Variants in NPC2 observed in about 807,000 individuals in gnomAD.
NPC2 encodes Niemann-Pick disease type C2 protein.
Under a neutral mutation model 17.0 loss-of-function variants are expected in NPC2, and 14 were observed. That is an observed-to-expected ratio of 0.82 (90% CI 0.54 to 1.29). The LOEUF is 1.29. NPC2 is among the 50% of genes most tolerant of loss of function. NPC2 has a pLI of 0.00. For synonymous variants in NPC2, 75 were observed against 69.3 expected (o/e 1.08, Z -0.41); for missense variants, 167 against 183.4 (o/e 0.91, Z 0.52).
chr14:74,486,956 A>ATT (rs774411765), intron 1 of NPC2, among the ~76,000 whole-genome samples: 3 of 144,478 alleles, frequency 2.1e-5, no homozygotes, highest in Non-Finnish European at 4.6e-5. Flanking sequence ...GAACAACTAC[A>ATT]TTTTTTTTTT....
chr14:74,486,473 A>C (rs781653436), intron 1 of NPC2, 37 bp from the exon 2 acceptor site: 2 of 1,526,846 alleles, frequency 1.3e-6, no homozygotes, highest in Non-Finnish European at 1.8e-6. Flanking sequence ...GGAGAATAGG[A>C]GGAGAAATAA....
At chr14:74,479,938 C>G, downstream of NPC2, 2 of 1,255,160 alleles carry the variant, frequency 1.6e-6, no homozygotes, top group South Asian at 3.1e-5. Flanking sequence ...CCACAGCCCA[C>G]ATGCAGAAGA....
At chr14:74,486,247 C>T in intron 2 of NPC2, 82 bp downstream of exon 2, 2 of 1,230,344 alleles carry the variant, frequency 1.6e-6, no homozygotes, top group South Asian at 1.3e-5. Flanking sequence ...TTCCCCTCCC[C>T]TCCATTCCCA....
chr14:74,484,828 C>A (rs1158008188), intron 2 of NPC2, among the ~76,000 whole-genome samples: 1 of 149,390 alleles, frequency 6.7e-6, no homozygotes, highest in Non-Finnish European at 1.5e-5. Flanking sequence ...CATGGCCCTT[C>A]ACAGTTTCTT....
In NPC2 at chr14:74,493,137, G is replaced by T; in HGVS notation, c.82+56C>A. ...CAGCCCCAGGGGTCTCAGCGCGGGGGTCCGGCGGGGCCTTCCACAGAGGGC... is the reference window on the plus strand; with the variant it reads ...CAGCCCCAGGGGTCTCAGCGCGGGGTTCCGGCGGGGCCTTCCACAGAGGGC... On this transcript the variant is annotated intron_variant, in intron 1 of 4. Transcript: ENST00000555619. This position sits in a 1 kb window ranked among gnomAD's most constrained non-coding sequence, Gnocchi z 4.1. 2 of 1,559,918 alleles carry T rather than the reference G, an allele frequency of 1.3e-6. No individual in the cohort carries two copies. The highest frequency in any genetic ancestry group is 8.7e-7 in the Non-Finnish European group (1 of 1,151,568).
At chr14:74,489,065 C>T (rs982036302) in intron 1 of NPC2, among the ~76,000 whole-genome samples, 23 of 152,282 alleles carry the variant, frequency 1.5e-4, no homozygotes, top group African/African-American at 5.3e-4. Context: ...TTCCAAGAAT[C>T]AAGGGGATGA....
chr14:74,482,740 A>T (rs898216022), intron 3 of NPC2, among the ~76,000 whole-genome samples: 7 of 152,158 alleles, frequency 4.6e-5, no homozygotes, highest in African/African-American at 7.2e-5. Context: ...CATATTGCAT[A>T]ACTTCAGAGG....
chr14:74,484,534 G>C lies in NPC2; in HGVS notation c.244C>G (p.Pro82Ala). 6.2e-7 allele frequency: 1 copy of C among 1,614,038 alleles called. No individual in the cohort carries two copies. Among genetic ancestry groups the C allele is most frequent in the Non-Finnish European group, 8.5e-7 (1 of 1,180,002 alleles). ...AVVHGILMGV[P>A]VPFPIPEPDG... ...GGCTCAGGAATGGGAAAGGGAACTG[G>C]GACGCCCATCAGGATGCCATGCACC... The change falls in exon 3 of 5, where the codon CCA (proline) becomes GCA (alanine). Residue 82 changes from proline (P) to alanine (A), a missense_variant. Transcript: ENST00000555619.
chr14:74,484,647 C>A lies in NPC2; in HGVS notation c.191-60G>T, dbSNP rs2086690453. On this transcript the variant is annotated intron_variant, in intron 2 of 4. Coordinates refer to ENST00000555619, the MANE Select transcript of NPC2 (RefSeq NM_006432.5). ...AATAACCTATTTTCAAACTCTAAATCAAAAATTCAGAAATAATCCCAAGCA... is the reference window on the plus strand; with the variant it reads ...AATAACCTATTTTCAAACTCTAAATAAAAAATTCAGAAATAATCCCAAGCA... The A allele has an allele frequency of 1.0e-5, 15 of 1,443,088 alleles. No individual in the cohort carries two copies. The South Asian group carries it at 1.1e-4, about 11-fold the overall frequency. 89.4% of individuals were successfully genotyped at this position (1,443,088 alleles called of 1,614,324 possible).
In NPC2 at chr14:74,493,282, A is replaced by G. The variant is rs747700278; in HGVS notation, c.-8T>C. ...AGCTGCCAGGAAACGCATCGCGGAT[A>G]ACGAAGTTCCAAGCTCGGGAAAGAA... On this transcript the variant is annotated 5_prime_UTR_variant, in exon 1 of 5. Coordinates refer to ENST00000555619, the MANE Select transcript of NPC2 (RefSeq NM_006432.5). The surrounding 1 kb of genome is among the most constrained non-coding windows in gnomAD (Gnocchi z 4.1). The G allele has an allele frequency of 6.2e-7, 1 of 1,612,668 alleles. No individual in the cohort carries two copies.
chr14:74,493,320 C>T (rs2086798806), upstream of NPC2: 2 of 1,593,610 alleles, frequency 1.3e-6, no homozygotes, highest in African/African-American at 1.3e-5. This position sits in a 1 kb window ranked among gnomAD's most constrained non-coding sequence, Gnocchi z 4.1. Flanking sequence ...AGCGGCCGCC[C>T]GCGGTCACAA....
At chr14:74,487,045 G>A (rs58384818) in intron 1 of NPC2, among the ~76,000 whole-genome samples, 24,268 of 150,674 alleles carry the variant, frequency 0.16, 2,050 homozygotes, top group South Asian at 0.27. Context: ...TCCACCCCCC[G>A]GGTTCAAACC....
At chr14:74,491,700 AT>A (rs1192106769) in intron 1 of NPC2, among the ~76,000 whole-genome samples, 1 of 152,216 alleles carries the variant, frequency 6.6e-6, no homozygotes, top group African/African-American at 2.4e-5. Flanking sequence ...CTTTGCAAAA[AT>A]CCTGAGGAAA....
intron 3 of NPC2, among the ~76,000 whole-genome samples, chr14:74,482,825 T>C (rs1240926989): frequency 6.6e-6 from 1 of 151,860 alleles, no homozygotes; most frequent in East Asian, 1.9e-4. Flanking sequence ...AAGTGAAATA[T>C]TGTATATAAA....
At chr14:74,487,271 T>G (rs1374924358) in intron 1 of NPC2, among the ~76,000 whole-genome samples, 6 of 145,490 alleles carry the variant, frequency 4.1e-5, no homozygotes, top group Non-Finnish European at 1.5e-5. Flanking sequence ...GTGGTTTTTT[T>G]TTGTTTTTTT....
At chr14:74,490,605 C>T (rs1362940619) in intron 1 of NPC2, among the ~76,000 whole-genome samples, 1 of 152,232 alleles carries the variant, frequency 6.6e-6, no homozygotes, top group Non-Finnish European at 1.5e-5. Flanking sequence ...GTACTTATAG[C>T]TCTTTCATCC....
In NPC2 at chr14:74,493,250, G is replaced by A. The variant is rs1033995785; in HGVS notation, c.25C>T (p.Leu9=). The A allele has an allele frequency of 3.1e-6, 5 of 1,613,398 alleles. No homozygotes were observed. The highest frequency in any genetic ancestry group is 1.7e-4 in the Middle Eastern group (1 of 6,056). The change falls in exon 1 of 5, where the codon CTG becomes TTG. Residue 9 remains leucine (L), a synonymous_variant. Transcript: ENST00000555619. This position sits in a 1 kb window ranked among gnomAD's most constrained non-coding sequence, Gnocchi z 4.1. ...GCAGCGGTGCTGAGCGCCAGGAGCAGGAATGTAGCTGCCAGGAAACGCATC... is the reference window on the plus strand; with the variant it reads ...GCAGCGGTGCTGAGCGCCAGGAGCAAGAATGTAGCTGCCAGGAAACGCATC... MRFLAATF[L]LLALSTAAQA...
At chr14:74,482,848 C>T (rs1391022931) in intron 3 of NPC2, 10 of 370,578 alleles carry the variant, frequency 2.7e-5, no homozygotes, top group South Asian at 1.0e-4. Context: ...TGGCATCAGC[C>T]GTTGCTGTGC....
chr14:74,485,226 C>T (rs891518707), intron 2 of NPC2, among the ~76,000 whole-genome samples: 5 of 131,292 alleles, frequency 3.8e-5, no homozygotes, highest in African/African-American at 1.2e-4. Context: ...GCCCAGGAGG[C>T]GGAGGTTGCA....
Sources: gnomAD v4.1 joint callset for allele counts (sites outside exome capture counted in the v4.1 genomes callset) on GRCh38, gnomAD v4.1.1 for gene constraint, Gnocchi (gnomAD v3.1) non-coding constraint, MANE v1.5 for transcripts, NCBI Gene and HGNC (gene_info 2026-07-23, HGNC 2026-07-21) for gene names.